C12orf42: variants seen among roughly 807,000 people sequenced by gnomAD.
C12orf42 encodes uncharacterized protein C12orf42.
A neutral mutation model predicts 21.6 loss-of-function variants in C12orf42; 25 were observed. The observed-to-expected ratio is 1.16, with a 90% CI of 0.84 to 1.62. C12orf42 has a LOEUF of 1.62. C12orf42 is among the 40% of genes most tolerant of loss of function. The pLI is 0.00. For missense variants in C12orf42, 483 were observed against 459.3 expected, an observed-to-expected ratio of 1.05 and a Z score of -0.47; for synonymous variants, 174 against 175.0, an observed-to-expected ratio of 0.99 and a Z score of 0.05.
At position 103,306,007 on chromosome 12, in the gene C12orf42, C is replaced by G. The variant is rs753726249; in HGVS notation, c.598G>C (p.Gly200Arg). The part of the protein sequence containing the change: ...IHISRHTRPK[G>R]QPLSSPKKNS... The stretch of plus-strand genomic sequence containing the variant: ...TTCTTGGGACTGCTCAAGGGCTGGC[C>G]CTTAGGTCTTGTGTGTCTACTGATG... The change falls in exon 5 of 6, where the codon GGC becomes CGC. Residue 200 changes from glycine to arginine, a missense_variant. By Grantham distance (125) the Gly-to-Arg change is moderately radical. Coordinates refer to ENST00000548883, the MANE Select transcript of C12orf42 (RefSeq NM_198521.5). 6.8e-6 allele frequency: 11 copies of G among 1,612,076 alleles called. No homozygotes were observed. Among genetic ancestry groups the G allele is most frequent in the Non-Finnish European group, 9.3e-6 (11 of 1,178,404 alleles).
chr12:103,049,486 C>G, the C12orf42 span, among the ~76,000 whole-genome samples: 2 of 152,280 alleles, frequency 1.3e-5, no homozygotes, highest in African/African-American at 4.8e-5. Context: ...ATTATTCTCT[C>G]CCCTTCTGTC....
the C12orf42 span, among the ~76,000 whole-genome samples, chr12:103,138,819 C>T: frequency 6.6e-6 from 1 of 152,284 alleles, no homozygotes; most frequent in Non-Finnish European, 1.5e-5. Flanking sequence ...CTCTTGCATC[C>T]ACACATCCCC....
intron 2 of C12orf42, among the ~76,000 whole-genome samples, chr12:103,439,593 C>T (rs563339654): frequency 1.7e-3 from 245 of 144,680 alleles, no homozygotes; most frequent in African/African-American, 5.9e-3. Flanking sequence ...AAAAAGTGGG[C>T]GAAGGACATG....
At chr12:103,261,497 A>T (rs905531896) in intron 10 of C12orf42, among the ~76,000 whole-genome samples, 2 of 149,380 alleles carry the variant, frequency 1.3e-5, no homozygotes, top group African/African-American at 5.0e-5. Context: ...AAAAAAAAAA[A>T]AGTATGGTTC....
chr12:103,238,165 T>C (rs2033542635), intron 10 of C12orf42, among the ~76,000 whole-genome samples: 1 of 151,930 alleles, frequency 6.6e-6, no homozygotes. Context: ...GGAAGGGACA[T>C]GGGACAAACA....
At chr12:103,113,670 T>G in the C12orf42 span, among the ~76,000 whole-genome samples, 2 of 152,132 alleles carry the variant, frequency 1.3e-5, no homozygotes, top group Non-Finnish European at 2.9e-5. Flanking sequence ...CAAAGAATCA[T>G]CCAGGCCAAA....
At chr12:103,558,343 T>C in the C12orf42 span, 2 of 152,228 alleles carry the variant, frequency 1.3e-5, no homozygotes, top group East Asian at 3.8e-4. Context: ...ACTAAAAGAC[T>C]TCTCCCACTT....
At chr12:103,521,075 T>C in the C12orf42 span, among the ~76,000 whole-genome samples, 2 of 152,204 alleles carry the variant, frequency 1.3e-5, no homozygotes, top group African/African-American at 4.8e-5. Flanking sequence ...GGATATGGCA[T>C]GCACTGTGCT....
intron 10 of C12orf42, among the ~76,000 whole-genome samples, chr12:103,240,872 T>G (rs912310652): frequency 2.6e-5 from 4 of 152,100 alleles, no homozygotes; most frequent in Admixed American, 2.0e-4. Flanking sequence ...CCTAAGCACT[T>G]AATATAATAT....
the C12orf42 span, among the ~76,000 whole-genome samples, chr12:103,147,503 C>CTTTTTTTTTTTTTTTTTTTTTTTTTTT: frequency 1.0e-5 from 1 of 99,970 alleles, no homozygotes; most frequent in Non-Finnish European, 2.0e-5. Context: ...CTTTTTTTTT[C>CTTTTTTTTTTTTTTTTTTTTTTTTTTT]TTTTTTTTTT....
At position 103,306,314 on chromosome 12, in the gene C12orf42, C is replaced by T. The variant is rs762265739; in HGVS notation, c.291G>A (p.Ala97=). ...VFPERTQNSM[A]CKRLLHTCQY... is the part of the protein sequence containing the mutation. Reference sequence around the variant, plus strand: ...GGCAAGTATGAAGTAGTCTTTTACACGCCATTGAATTTTGAGTCCTTTCTG... The same window carrying T: ...GGCAAGTATGAAGTAGTCTTTTACATGCCATTGAATTTTGAGTCCTTTCTG... The change falls in exon 5 of 6, where the codon GCG becomes GCA. Residue 97 remains alanine, a synonymous_variant. Transcript: ENST00000548883. The T allele has an allele frequency of 1.5e-5, 24 of 1,610,438 alleles. No individual in the cohort carries two copies. Among genetic ancestry groups the T allele is most frequent in the Admixed American group, 3.4e-5 (2 of 59,350 alleles).
chr12:103,513,001 CAAAA>C, the C12orf42 span, among the ~76,000 whole-genome samples: 2 of 123,918 alleles, frequency 1.6e-5, no homozygotes, highest in Admixed American at 8.4e-5. Context: ...GACTCCATAT[CAAAA>C]AAAAAAAAAA....
chr12:103,103,546 C>T, the C12orf42 span, among the ~76,000 whole-genome samples: 1 of 152,146 alleles, frequency 6.6e-6, no homozygotes, highest in South Asian at 2.1e-4. Context: ...GTACCACTAT[C>T]TGTTAGATTT....
chr12:103,157,228 A>G, the C12orf42 span, among the ~76,000 whole-genome samples: 1 of 152,166 alleles, frequency 6.6e-6, no homozygotes, highest in Admixed American at 6.5e-5. Context: ...ATGGTCAGTA[A>G]TGTTGAGCTT....
At chr12:103,231,401 C>A in the C12orf42 span, among the ~76,000 whole-genome samples, 1 of 152,192 alleles carries the variant, frequency 6.6e-6, no homozygotes, top group Non-Finnish European at 1.5e-5. Flanking sequence ...ATATATCCAC[C>A]ATTATAGTAA....
the C12orf42 span, among the ~76,000 whole-genome samples, chr12:103,524,710 C>T: frequency 6.6e-6 from 1 of 152,164 alleles, no homozygotes; most frequent in Non-Finnish European, 1.5e-5. Flanking sequence ...TGAATAGCTG[C>T]TAAGGGGCAG....
the C12orf42 span, among the ~76,000 whole-genome samples, chr12:103,087,080 T>TTTTG: frequency 2.3e-3 from 346 of 152,246 alleles, 3 homozygotes; most frequent in African/African-American, 7.8e-3. Context: ...TTCTCTAGTT[T>TTTTG]TTTGTTTGTT....
At chr12:103,152,726 A>G in the C12orf42 span, among the ~76,000 whole-genome samples, 1 of 152,162 alleles carries the variant, frequency 6.6e-6, no homozygotes, top group South Asian at 2.1e-4. Context: ...AATAAGCAAC[A>G]AAAAGTAGAA....
At chr12:103,111,055 T>C in the C12orf42 span, among the ~76,000 whole-genome samples, 2 of 152,222 alleles carry the variant, frequency 1.3e-5, no homozygotes, top group African/African-American at 4.8e-5. Flanking sequence ...AACTCAGAGT[T>C]CACTGAATTA....
Sources: allele counts gnomAD v4.1 joint callset (sites outside exome capture counted in the v4.1 genomes callset), GRCh38; gene constraint gnomAD v4.1.1; transcripts MANE v1.5; gene names NCBI Gene and HGNC (gene_info 2026-07-23, HGNC 2026-07-21).